The following TGFBR3 variants were observed in gnomAD, a reference collection of about 807,000 sequenced individuals.
TGFBR3 encodes the protein transforming growth factor beta receptor 3.
A neutral mutation model predicts 87.9 loss-of-function variants in TGFBR3; 46 were observed. That is an observed-to-expected ratio of 0.52 (90% CI 0.41 to 0.67). TGFBR3 has a LOEUF of 0.67. Ranked by LOEUF, TGFBR3 falls within the 30% of genes least tolerant of loss-of-function variation. The probability of loss-of-function intolerance (pLI) is 0.00; values close to 1 mark genes in which losing one functional copy is unlikely to be tolerated. For missense variants in TGFBR3, 866 were observed against 1,041.9 expected (o/e 0.83, Z 2.32); for synonymous variants, 381 against 391.6 (o/e 0.97, Z 0.32).
intron 4 of TGFBR3, among the ~76,000 whole-genome samples, chr1:91,744,000 A>C (rs1455814787): frequency 1.3e-5 from 2 of 152,050 alleles, no homozygotes; most frequent in Non-Finnish European, 2.9e-5. Flanking sequence ...TATCTCATTA[A>C]TTTTTATTGA....
At chr1:91,886,802 T>C (rs1483947496), upstream of TGFBR3, among the ~76,000 whole-genome samples, 1 of 152,034 alleles carries the variant, frequency 6.6e-6, no homozygotes, top group Non-Finnish European at 1.5e-5. Context: ...TTCCCCCTGC[T>C]AGCTAAATAA....
chr1:91,734,763 A>T lies in TGFBR3; in HGVS notation c.568+13T>A. On this transcript the variant is annotated intron_variant, in intron 5 of 16. Coordinates refer to ENST00000212355, the MANE Select transcript of TGFBR3 (RefSeq NM_003243.5). ...CATAAATCAGTCATTAACTGAAGCC[A>T]CATAAAATTTACCTTCCCCCACTTT... The T allele has an allele frequency of 6.2e-7, 1 of 1,613,946 alleles. No homozygotes were observed. Among genetic ancestry groups the T allele is most frequent in the Non-Finnish European group, 8.5e-7 (1 of 1,179,786 alleles).
chr1:91,818,224 T>C (rs1676304200), intron 2 of TGFBR3, among the ~76,000 whole-genome samples: 1 of 147,602 alleles, frequency 6.8e-6, no homozygotes, highest in African/African-American at 2.5e-5. Context: ...TTTCAGTCTT[T>C]ACTATTAAAA....
chr1:91,868,281 C>T (rs1300428937), intron 1 of TGFBR3, among the ~76,000 whole-genome samples: 1 of 152,106 alleles, frequency 6.6e-6, no homozygotes, highest in African/African-American at 2.4e-5. Flanking sequence ...TATACCTAGA[C>T]TTCCAAAAAG....
intron 6 of TGFBR3, among the ~76,000 whole-genome samples, chr1:91,729,058 ACACACACACACACACACACC>A (rs2100807668): frequency 7.8e-6 from 1 of 127,874 alleles, no homozygotes; most frequent in African/African-American, 3.1e-5. Flanking sequence ...ACACACACAC[ACACACACACACACACACACC>A]AAGCACACAA....
At chr1:91,889,655 G>C (rs981501968), upstream of TGFBR3, among the ~76,000 whole-genome samples, 2 of 151,968 alleles carry the variant, frequency 1.3e-5, no homozygotes, top group Admixed American at 6.6e-5. Flanking sequence ...TATAAAAAAG[G>C]GTTCCCCTAC....
At chr1:91,882,614 G>A (rs1013260485) in intron 1 of TGFBR3, among the ~76,000 whole-genome samples, 2 of 151,992 alleles carry the variant, frequency 1.3e-5, no homozygotes, top group African/African-American at 4.8e-5. Flanking sequence ...GCATGGTGGC[G>A]AGTGCCTGTA....
At chr1:91,804,273 TC>T (rs1216764938) in intron 2 of TGFBR3, among the ~76,000 whole-genome samples, 1 of 152,162 alleles carries the variant, frequency 6.6e-6, no homozygotes, top group Non-Finnish European at 1.5e-5. Context: ...CCTTCAACTG[TC>T]ACAGAAAGCA....
At chr1:91,787,871 G>A (rs1675026638) in intron 3 of TGFBR3, among the ~76,000 whole-genome samples, 1 of 151,204 alleles carries the variant, frequency 6.6e-6, no homozygotes. Context: ...AGAATCGCTT[G>A]AGGTTGCAGT....
At chr1:91,783,865 T>G (rs1282123146) in intron 3 of TGFBR3, among the ~76,000 whole-genome samples, 1 of 152,126 alleles carries the variant, frequency 6.6e-6, no homozygotes, top group Admixed American at 6.6e-5. Context: ...CCTCTTTCAG[T>G]TAGAGGAATC....
intron 2 of TGFBR3, among the ~76,000 whole-genome samples, chr1:91,860,147 G>A (rs560593999): frequency 6.6e-6 from 1 of 152,102 alleles, no homozygotes; most frequent in African/African-American, 2.4e-5. Context: ...ATGACACTAC[G>A]CAAGTTACCT....
At chr1:91,789,491 G>A (rs573941507) in intron 3 of TGFBR3, among the ~76,000 whole-genome samples, 1 of 152,326 alleles carries the variant, frequency 6.6e-6, no homozygotes, top group South Asian at 2.1e-4. Flanking sequence ...CAACTTTACA[G>A]CATCTGGATA....
intron 3 of TGFBR3, among the ~76,000 whole-genome samples, chr1:91,785,486 T>A (rs2100976942): frequency 6.6e-6 from 1 of 152,328 alleles, no homozygotes; most frequent in Non-Finnish European, 1.5e-5. Flanking sequence ...GTAAACTTTA[T>A]GGTACGTAAA....
Position 91,791,363 on chromosome 1 carries a change from C to A in TGFBR3, c.246+5924G>T, listed in dbSNP as rs191523778. Among the ~76,000 whole-genome samples, 105 of 152,230 alleles carry A rather than the reference C, an allele frequency of 6.9e-4. 1 individual carries two copies. Among genetic ancestry groups the A allele is most frequent in the African/African-American group, 2.5e-3 (104 of 41,528 alleles). ...TGGGGATTAGCAGCCACATAGAGCA[C>A]AATGGCTCCTGAGCTCAGCCCTGCA... On this transcript the variant is annotated intron_variant, in intron 3 of 16. Coordinates refer to ENST00000212355, the MANE Select transcript of TGFBR3 (RefSeq NM_003243.5).
At chr1:91,712,824 T>C (rs1330307181) in intron 12 of TGFBR3, among the ~76,000 whole-genome samples, 4 of 152,318 alleles carry the variant, frequency 2.6e-5, no homozygotes, top group Non-Finnish European at 5.9e-5. Context: ...CACCTCCCAA[T>C]GAGTCCTCTG....
chr1:91,695,661 G>A lies in TGFBR3; in HGVS notation c.2437+11C>T, dbSNP rs1413788275. On this transcript the variant is annotated intron_variant, in intron 16 of 16. Transcript: ENST00000212355. ...GCTGTTCACCAACTCTTACTCAACA[G>A]TCACACTAACCTGTGTGAGAATAGA... The A allele has an allele frequency of 1.3e-6, 2 of 1,599,892 alleles. No homozygotes were observed. Among genetic ancestry groups the A allele is most frequent in the African/African-American group, 2.7e-5 (2 of 74,760 alleles).
intron 4 of TGFBR3, among the ~76,000 whole-genome samples, chr1:91,744,419 T>C (rs994045992): frequency 2.6e-5 from 4 of 152,230 alleles, no homozygotes; most frequent in Non-Finnish European, 5.9e-5. Context: ...AATGCACCAA[T>C]AGAAGACTTA....
rs543959506 is a variant in TGFBR3, at chr1:91,821,185, C to T, written c.62-23714G>A. On this transcript the variant is annotated intron_variant, in intron 2 of 16. Coordinates refer to ENST00000212355, the MANE Select transcript of TGFBR3 (RefSeq NM_003243.5). ...CCTCTACTAAAAATACAAACATTAG[C>T]CAGGTATGGTGGCACACGCCTATAA... is the stretch of plus-strand genomic sequence containing the variant. Among the ~76,000 whole-genome samples the T allele has an allele frequency of 2.6e-5, 4 of 152,104 alleles. No homozygotes were observed. In the East Asian group the frequency reaches 5.8e-4, roughly 22 times the overall value.
chr1:91,683,879 CAG>C, intron 16 of TGFBR3, 22 bp from the exon 17 acceptor site: 1 of 1,566,908 alleles, frequency 6.4e-7, no homozygotes, highest in Non-Finnish European at 8.7e-7. Context: ...AAAGAAAAGG[CAG>C]AGTCAGAGAA....
Sources: gnomAD v4.1 joint callset for allele counts (sites outside exome capture counted in the v4.1 genomes callset) on GRCh38, gnomAD v4.1.1 for gene constraint, MANE v1.5 for transcripts, NCBI Gene and HGNC (gene_info 2026-07-23, HGNC 2026-07-21) for gene names.